NRXN1: variants seen among roughly 807,000 people sequenced by gnomAD.
NRXN1 encodes neurexin 1.
A neutral mutation model predicts 150.9 loss-of-function variants in NRXN1; 39 were observed. The ratio of observed to expected loss-of-function variants is 0.26; its 90% CI spans 0.20 to 0.34. The LOEUF (loss-of-function observed/expected upper bound fraction) is 0.34. Ranked by LOEUF, NRXN1 falls within the 10% of genes least tolerant of loss-of-function variation. The pLI is 1.00. For synonymous variants in NRXN1, 924 were observed against 757.0 expected (o/e 1.22, Z -3.62); for missense variants, 1,815 against 1,949.9 (o/e 0.93, Z 1.30).
intron 18 of NRXN1, among the ~76,000 whole-genome samples, chr2:50,220,234 A>T (rs1397183898): frequency 6.6e-6 from 1 of 151,244 alleles, no homozygotes; most frequent in Non-Finnish European, 1.5e-5. Flanking sequence ...ACTGTGATGG[A>T]AGGAAATTAA....
intron 17 of NRXN1, among the ~76,000 whole-genome samples, chr2:50,417,552 G>C (rs565698813): frequency 1.3e-5 from 2 of 151,580 alleles, no homozygotes; most frequent in African/African-American, 4.8e-5. Flanking sequence ...TTGGTAGTAG[G>C]GATTTGCACT....
intron 18 of NRXN1, among the ~76,000 whole-genome samples, chr2:50,213,739 C>A (rs1354075423): frequency 6.6e-6 from 1 of 151,842 alleles, no homozygotes; most frequent in African/African-American, 2.4e-5. Context: ...ACCAAGAATT[C>A]TAATCACTTT....
intron 2 of NRXN1, among the ~76,000 whole-genome samples, chr2:51,017,676 AT>A (rs749850778): frequency 4.6e-5 from 7 of 151,708 alleles, no homozygotes; most frequent in Non-Finnish European, 1.0e-4. Context: ...ACATTCATAA[AT>A]GTATACTCTT....
intron 18 of NRXN1, among the ~76,000 whole-genome samples, chr2:50,211,469 T>C (rs925466805): frequency 3.3e-5 from 5 of 151,570 alleles, no homozygotes; most frequent in African/African-American, 1.2e-4. Context: ...AGACTATTAA[T>C]TTGAATTATA....
intron 17 of NRXN1, among the ~76,000 whole-genome samples, chr2:50,285,813 C>T (rs1574930373): frequency 1.3e-5 from 2 of 151,698 alleles, no homozygotes; most frequent in South Asian, 4.2e-4. Flanking sequence ...ATACAGCACA[C>T]CTTTCAATAA....
rs901062472 is a variant in NRXN1, at chr2:50,257,613, C to G, written c.3365-20643G>C. Among the ~76,000 whole-genome samples the G allele has an allele frequency of 4.7e-4, 71 of 151,892 alleles. 2 individuals carry two copies. The highest frequency in any genetic ancestry group is 4.7e-3 in the Admixed American group (71 of 15,198). ...CTACCAGTATCTGAAAGGGTAAGAG[C>G]CTAACCTCTGGAAGTGCCAACGAGT... On this transcript the variant is annotated intron_variant, in intron 17 of 22. Coordinates refer to ENST00000401669, the MANE Select transcript of NRXN1 (RefSeq NM_001330078.2).
chr2:50,708,149 A>G (rs1260355119), intron 5 of NRXN1, among the ~76,000 whole-genome samples: 1 of 152,208 alleles, frequency 6.6e-6, no homozygotes, highest in Non-Finnish European at 1.5e-5. Flanking sequence ...ACTGATATAA[A>G]TGAATCTGAA....
intron 17 of NRXN1, among the ~76,000 whole-genome samples, chr2:50,266,845 C>T (rs533750241): frequency 1.1e-4 from 17 of 152,280 alleles, no homozygotes; most frequent in Non-Finnish European, 2.2e-4. Flanking sequence ...ATAAAGGGAG[C>T]ATAACTCCAT....
chr2:50,535,436 G>C (rs1351706731), intron 10 of NRXN1, among the ~76,000 whole-genome samples: 1 of 152,206 alleles, frequency 6.6e-6, no homozygotes, highest in Non-Finnish European at 1.5e-5. Context: ...GTCACATATT[G>C]TGATCAACGA....
intron 8 of NRXN1, among the ~76,000 whole-genome samples, chr2:50,591,732 G>A (rs957627981): frequency 6.6e-6 from 1 of 152,170 alleles, no homozygotes; most frequent in Non-Finnish European, 1.5e-5. Flanking sequence ...CCCCTATCTG[G>A]GACAGCACAT....
intron 18 of NRXN1, among the ~76,000 whole-genome samples, chr2:50,214,056 C>T (rs1370739122): frequency 6.6e-6 from 1 of 151,928 alleles, no homozygotes; most frequent in Admixed American, 6.6e-5. Flanking sequence ...TTAAATGTGT[C>T]CCTCAGTTTT....
At chr2:50,442,600 T>A (rs1360958180) in intron 17 of NRXN1, among the ~76,000 whole-genome samples, 1 of 152,096 alleles carries the variant, frequency 6.6e-6, no homozygotes, top group Non-Finnish European at 1.5e-5. Context: ...CAACTGAAAA[T>A]GTTAAGTACA....
At chr2:50,179,480 C>A (rs376354530) in intron 18 of NRXN1, among the ~76,000 whole-genome samples, 43 of 151,954 alleles carry the variant, frequency 2.8e-4, no homozygotes, top group South Asian at 2.1e-4. Context: ...CAAATTAGAC[C>A]CACTGAACTT....
intron 21 of NRXN1, among the ~76,000 whole-genome samples, chr2:49,982,305 C>T (rs900390634): frequency 2.6e-5 from 4 of 152,000 alleles, no homozygotes; most frequent in South Asian, 2.1e-4. Context: ...TTGGCAAAGG[C>T]ATTGAGGTAT....
chr2:50,968,084 A>G (rs1694389732), intron 2 of NRXN1, among the ~76,000 whole-genome samples: 1 of 152,080 alleles, frequency 6.6e-6, no homozygotes. Flanking sequence ...ACTGTTAATA[A>G]TAAATACTTC....
chr2:49,989,115 T>G (rs948146770), intron 21 of NRXN1, among the ~76,000 whole-genome samples: 14 of 152,188 alleles, frequency 9.2e-5, no homozygotes, highest in Admixed American at 7.9e-4. Flanking sequence ...AGCTGATAGG[T>G]AGCCCTTAAT....
intron 18 of NRXN1, among the ~76,000 whole-genome samples, chr2:50,123,126 G>A (rs1021037028): frequency 1.3e-5 from 2 of 152,166 alleles, no homozygotes; most frequent in African/African-American, 4.8e-5. Context: ...CAGGGATACA[G>A]TAGTGAAACA....
intron 21 of NRXN1, among the ~76,000 whole-genome samples, chr2:49,989,388 A>G (rs1290703214): frequency 3.9e-5 from 6 of 152,220 alleles, no homozygotes; most frequent in Non-Finnish European, 8.8e-5. Context: ...GTAGTAGCAA[A>G]TGTGATAACA....
At chr2:50,165,642 C>A (rs926142770) in intron 18 of NRXN1, among the ~76,000 whole-genome samples, 1 of 152,184 alleles carries the variant, frequency 6.6e-6, no homozygotes, top group Non-Finnish European at 1.5e-5. Context: ...AGCCACCCAC[C>A]GCGCCCAGCC....
Sources: allele counts gnomAD v4.1 joint callset (sites outside exome capture counted in the v4.1 genomes callset), GRCh38; gene constraint gnomAD v4.1.1; transcripts MANE v1.5; gene names NCBI Gene and HGNC (gene_info 2026-07-23, HGNC 2026-07-21).